ABCC1: variants seen among roughly 807,000 people sequenced by gnomAD.
ABCC1 encodes the protein multidrug resistance-associated protein 1.
Under a neutral mutation model 172.9 loss-of-function variants are expected in ABCC1, and 83 were observed. The observed-to-expected ratio is 0.48, with a 90% CI of 0.40 to 0.58. The LOEUF is 0.58. ABCC1 is among the 20% of genes least tolerant of loss of function. The pLI, the probability that ABCC1 is intolerant of heterozygous loss-of-function variation, is 0.00. For missense variants in ABCC1, 1,817 were observed against 2,002.7 expected (o/e 0.91, Z 1.77); for synonymous variants, 937 against 825.2 (o/e 1.14, Z -2.32).
chr16:16,138,589 T>C, intron 30 of ABCC1, 31 bp downstream of exon 30: 1 of 1,501,784 alleles, frequency 6.7e-7, no homozygotes, highest in Non-Finnish European at 9.0e-7. Flanking sequence ...GCCTCTAGGC[T>C]TTGGGAGTTT....
rs1331290993 is a variant in ABCC1, at chr16:16,059,837, C to A, written c.1677+3542C>A. 2.6e-4 allele frequency among the ~76,000 whole-genome samples: 39 copies of A among 148,204 alleles called. 1 individual carries two copies. Among genetic ancestry groups the A allele is most frequent in the Admixed American group, 1.4e-3 (21 of 14,852 alleles). ...CCCCCCACCCCCTCCCAGCCCCCCA[C>A]AAAAAAAAATTAGCCAGGTGTGGTG... On this transcript the variant is annotated intron_variant, in intron 12 of 30. Coordinates refer to ENST00000399410, the MANE Select transcript of ABCC1 (RefSeq NM_004996.4).
Position 16,125,907 on chromosome 16 carries a change from AG to A in ABCC1, c.3817del (p.Glu1273ArgfsTer64). The A allele has an allele frequency of 6.2e-7, 1 of 1,613,664 alleles. No individual in the cohort carries two copies. The highest frequency in any genetic ancestry group is 8.5e-7 in the Non-Finnish European group (1 of 1,179,754). ...CTCAAGGAGTATTCAGAGACTGAGA[AG>A]GAGGTAGGCAAGGGCCCCTGGCTGG... ...ERLKEYSETE[K>X]EAPWQIQETA... is the part of the protein sequence containing the mutation. On this transcript the variant is annotated frameshift_variant, in exon 26 of 31. Transcript: ENST00000399410. LOFTEE classifies it high-confidence loss of function.
chr16:16,046,975 A>G, intron 9 of ABCC1, among the ~76,000 whole-genome samples: 1 of 121,852 alleles, frequency 8.2e-6, no homozygotes, highest in African/African-American at 4.2e-5. Flanking sequence ...TGGGGGAATC[A>G]CTGGAGGCTT....
At chr16:15,999,809 C>CTCTTCT (rs374395529) in intron 1 of ABCC1, among the ~76,000 whole-genome samples, 1 of 8,360 alleles carries the variant, frequency 1.2e-4, no homozygotes, top group Non-Finnish European at 3.1e-4. Context: ...CTCTCTCTCT[C>CTCTTCT]CTCTCTCTCT....
At chr16:16,061,117 G>A (rs1188570161) in intron 12 of ABCC1, among the ~76,000 whole-genome samples, 2 of 150,472 alleles carry the variant, frequency 1.3e-5, no homozygotes, top group African/African-American at 2.4e-5. Context: ...TAGAGATGGG[G>A]TTTAGCCGTG....
rs535331794 is a variant in ABCC1, at chr16:16,138,619, T to C, written c.4487+61T>C. The C allele has an allele frequency of 6.2e-6, 8 of 1,290,170 alleles. No homozygotes were observed. The African/African-American group carries it at 9.0e-5, about 14-fold the overall frequency. The allele number at this position is 1,290,170 out of a possible 1,614,324, so 79.9% of individuals were successfully genotyped here. A position where few individuals can be genotyped will look rare whatever the true frequency, so the allele number is the denominator to read the frequency against. ...GAGTTTGCCTTACTCACTGGCTCACTCATTAATTCATTAATTCATTCAACA... is the reference window on the plus strand; with the variant it reads ...GAGTTTGCCTTACTCACTGGCTCACCCATTAATTCATTAATTCATTCAACA... On this transcript the variant is annotated intron_variant, in intron 30 of 30. Coordinates refer to ENST00000399410, the MANE Select transcript of ABCC1 (RefSeq NM_004996.4).
chr16:16,132,271 C>T (rs889531409), intron 27 of ABCC1, among the ~76,000 whole-genome samples: 13 of 151,986 alleles, frequency 8.6e-5, no homozygotes, highest in East Asian at 3.9e-4. Flanking sequence ...CCCACTGCAG[C>T]GGCAGCCTCC....
At chr16:15,993,420 G>T (rs1337162187) in intron 1 of ABCC1, among the ~76,000 whole-genome samples, 2 of 152,158 alleles carry the variant, frequency 1.3e-5, no homozygotes, top group Non-Finnish European at 2.9e-5. Flanking sequence ...AGAAATCAAG[G>T]CCTGGTGAGG....
rs779120162 is a variant in ABCC1, at chr16:16,114,966, T to A, written c.3280T>A (p.Phe1094Ile). 4 of 1,614,192 alleles carry A rather than the reference T, an allele frequency of 2.5e-6. No individual in the cohort carries two copies. The South Asian group carries it at 4.4e-5, about 18-fold the overall frequency. ...CATGATCCCGGAGGTCATCAAGATG[T>A]TCATGGGCTCCCTGTTCAACGTCAT... The part of the protein sequence containing the change: ...DSMIPEVIKM[F>I]MGSLFNVIGA... Residue 1094 changes from phenylalanine to isoleucine, a missense_variant, in exon 23 of 31, where the codon TTC (phenylalanine) becomes ATC (isoleucine). Physicochemically the swap from Phe to Ile is conservative, Grantham distance 21. This residue lies in a region of ABCC1 where 1,412 missense variants were observed against 1,600.3 expected (regional missense o/e 0.88). Coordinates refer to ENST00000399410, the MANE Select transcript of ABCC1 (RefSeq NM_004996.4).
intron 12 of ABCC1, among the ~76,000 whole-genome samples, chr16:16,062,389 C>T (rs2049955622): frequency 6.6e-6 from 1 of 152,086 alleles, no homozygotes; most frequent in Admixed American, 6.6e-5. Context: ...TTTTGCTGTC[C>T]AGGCTGGAGT....
At chr16:16,039,247 G>A (rs1458289412) in intron 7 of ABCC1, among the ~76,000 whole-genome samples, 8 of 141,596 alleles carry the variant, frequency 5.6e-5, no homozygotes, top group Non-Finnish European at 1.2e-4. Context: ...GTATGTGTGT[G>A]TGTGTGTGTG....
intron 5 of ABCC1, among the ~76,000 whole-genome samples, chr16:16,021,917 G>T (rs1020229029): frequency 7.9e-5 from 12 of 152,116 alleles, no homozygotes; most frequent in Admixed American, 6.6e-5. Flanking sequence ...ATTTGTTGTT[G>T]GCTTCACCTC....
intron 14 of ABCC1, among the ~76,000 whole-genome samples, chr16:16,075,031 C>T (rs2050502253): frequency 6.7e-6 from 1 of 150,112 alleles, no homozygotes; most frequent in Middle Eastern, 3.2e-3. Flanking sequence ...TCTGCGACCT[C>T]TGCCTTGGTT....
intron 30 of ABCC1, 147 bp downstream of exon 30, chr16:16,138,705 C>T (rs1208778919): frequency 2.0e-6 from 1 of 506,798 alleles, no homozygotes; most frequent in Non-Finnish European, 3.2e-6. Context: ...TGGATGGTAC[C>T]AGCTATTTCT....
chr16:16,037,428 C>T (rs2048799588), intron 7 of ABCC1, among the ~76,000 whole-genome samples: 1 of 150,992 alleles, frequency 6.6e-6, no homozygotes, highest in Admixed American at 6.6e-5. Context: ...TACCTTAACT[C>T]ATCAAATCTG....
intron 23 of ABCC1, among the ~76,000 whole-genome samples, chr16:16,120,305 C>T (rs184607327): frequency 2.0e-5 from 3 of 152,186 alleles, no homozygotes; most frequent in Admixed American, 6.5e-5. Context: ...TCAGGAACCC[C>T]GGGCTCACCA....
chr16:16,126,693 A>G (rs1396920014), intron 26 of ABCC1, among the ~76,000 whole-genome samples: 1 of 152,100 alleles, frequency 6.6e-6, no homozygotes, highest in African/African-American at 2.4e-5. Flanking sequence ...CCTGTTATGT[A>G]TTTGTATAGG....
At chr16:16,139,176 A>C (rs1339862687) in intron 30 of ABCC1, among the ~76,000 whole-genome samples, 2 of 152,156 alleles carry the variant, frequency 1.3e-5, no homozygotes, top group Non-Finnish European at 2.9e-5. Context: ...CAATAAACCA[A>C]CAGGATTCCA....
intron 1 of ABCC1, among the ~76,000 whole-genome samples, chr16:16,007,188 G>T (rs2047572688): frequency 6.7e-6 from 1 of 148,334 alleles, no homozygotes; most frequent in Admixed American, 6.8e-5. Context: ...TTTGTTGTTG[G>T]TGGGTTTTTT....
Sources: gnomAD v4.1 joint callset for allele counts (sites outside exome capture counted in the v4.1 genomes callset) on GRCh38, gnomAD v4.1.1 for gene constraint, gnomAD v4.1.1 regional missense constraint, MANE v1.5 for transcripts, NCBI Gene and HGNC (gene_info 2026-07-23, HGNC 2026-07-21) for gene names.